The following HPGD variants were observed in gnomAD, a reference collection of about 807,000 sequenced individuals.
HPGD encodes the protein 15-hydroxyprostaglandin dehydrogenase.
A neutral mutation model predicts 30.0 loss-of-function variants in HPGD; 29 were observed. The ratio of observed to expected loss-of-function variants is 0.97; its 90% confidence interval spans 0.72 to 1.32. The LOEUF (loss-of-function observed/expected upper bound fraction) is 1.32. HPGD is among the 40% of genes most tolerant of loss of function. The probability of loss-of-function intolerance (pLI) is 0.00; values close to 1 mark genes in which losing one functional copy is unlikely to be tolerated. For synonymous variants in HPGD, 99 were observed against 112.4 expected, an observed-to-expected ratio of 0.88 and a Z score of 0.75; for missense variants, 340 against 322.1, an observed-to-expected ratio of 1.06 and a Z score of -0.43.
At position 174,502,677 on chromosome 4, in the gene HPGD, CAAAAAAA is replaced by C. The variant is rs10694450; in HGVS notation, c.421+6012_421+6018del. Among the ~76,000 whole-genome samples, 34 of 98,842 alleles carry C rather than the reference CAAAAAAA, an allele frequency of 3.4e-4. No homozygotes were observed. In the South Asian group the frequency reaches 0.012, roughly 34 times the overall value. The allele number at this position is 98,842 out of a possible 152,430, so 64.8% of individuals were successfully genotyped here. A position where few individuals can be genotyped will look rare whatever the true frequency, so the allele number is the denominator to read the frequency against. On this transcript the variant is annotated intron_variant, in intron 4 of 6. Coordinates refer to ENST00000296522, the MANE Select transcript of HPGD (RefSeq NM_000860.6). The stretch of plus-strand genomic sequence containing the variant: ...TGGGCGACAGAGCGAGACTCCGTCT[CAAAAAAA>C]AAAAAAAAAAAAGTGACACATGCTT...
At position 174,496,898 on chromosome 4, in the gene HPGD, AT is replaced by A. The variant is rs1202691546; in HGVS notation, c.422-1275del. The stretch of plus-strand genomic sequence containing the variant: ...AGATCACACCTAGTGTGTCCACCCA[AT>A]GATTTCAAAGTATTGTTAATATGTT... On this transcript the variant is annotated intron_variant, in intron 4 of 6. Transcript: ENST00000296522. This position sits in a 1 kb window ranked among gnomAD's most constrained non-coding sequence, Gnocchi z 4.6. Among the ~76,000 whole-genome samples, 1 of 152,252 alleles carries A rather than the reference AT, an allele frequency of 6.6e-6. No homozygotes were observed. Among genetic ancestry groups the A allele is most frequent in the East Asian group, 1.9e-4 (1 of 5,204 alleles).
intron 3 of HPGD, among the ~76,000 whole-genome samples, chr4:174,516,203 C>T (rs1280312056): frequency 3.3e-5 from 5 of 152,014 alleles, no homozygotes; most frequent in African/African-American, 1.2e-4. Flanking sequence ...ATAGGGTCAT[C>T]GCAACACTAT....
At chr4:174,493,413 T>A in intron 5 of HPGD, 99 bp from the exon 6 acceptor site, 1 of 1,117,768 alleles carries the variant, frequency 8.9e-7, no homozygotes, top group Non-Finnish European at 1.4e-6. Context: ...ATGTAAAAAA[T>A]ACTAATTAGA....
intron 3 of HPGD, 66 bp downstream of exon 3, chr4:174,517,903 CTT>C (rs1735872661): frequency 5.8e-6 from 5 of 864,610 alleles, no homozygotes; most frequent in Non-Finnish European, 9.5e-6. Context: ...CTCCAAGAAC[CTT>C]TTTTTCTTTA....
chr4:174,498,375 T>C (rs1353451533), intron 4 of HPGD, among the ~76,000 whole-genome samples: 1 of 152,156 alleles, frequency 6.6e-6, no homozygotes, highest in East Asian at 1.9e-4. Flanking sequence ...AAACTGCACG[T>C]ATTGAAAGTA....
intron 4 of HPGD, among the ~76,000 whole-genome samples, chr4:174,503,718 G>T (rs1293826219): frequency 2.1e-5 from 3 of 139,546 alleles, no homozygotes; most frequent in East Asian, 2.0e-4. Flanking sequence ...TGGGTTTTTT[G>T]ATTTTTTTTT....
chr4:174,519,445 C>G (rs1735969021), intron 2 of HPGD, among the ~76,000 whole-genome samples: 1 of 152,178 alleles, frequency 6.6e-6, no homozygotes, highest in South Asian at 2.1e-4. Flanking sequence ...TGTCAGGCCT[C>G]TGAGCCCAAG....
chr4:174,509,828 A>G (rs1735385127), intron 3 of HPGD, among the ~76,000 whole-genome samples: 1 of 152,062 alleles, frequency 6.6e-6, no homozygotes, highest in Non-Finnish European at 1.5e-5. Flanking sequence ...ATCACTGCTT[A>G]CAGCTATCCT....
intron 3 of HPGD, among the ~76,000 whole-genome samples, chr4:174,517,334 C>T (rs904672264): frequency 3.3e-5 from 5 of 151,948 alleles, no homozygotes; most frequent in African/African-American, 1.2e-4. Flanking sequence ...CTACTAATTA[C>T]AAAGTTCGAT....
At chr4:174,509,141 A>T (rs1735339953) in intron 3 of HPGD, among the ~76,000 whole-genome samples, 1 of 152,146 alleles carries the variant, frequency 6.6e-6, no homozygotes, top group African/African-American at 2.4e-5. Context: ...GTTGGATGCA[A>T]AATTTATTTA....
In HPGD at chr4:174,496,532, A is replaced by T. The variant is rs1734604806; in HGVS notation, c.422-908T>A. ...AAAATTGTTAATTATCTAATCAGCAATCAAATTGAACCAGAGTCATTCTTG... is the reference window on the plus strand; with the variant it reads ...AAAATTGTTAATTATCTAATCAGCATTCAAATTGAACCAGAGTCATTCTTG... On this transcript the variant is annotated intron_variant, in intron 4 of 6. Transcript: ENST00000296522. The surrounding 1 kb of genome is among the most constrained non-coding windows in gnomAD (Gnocchi z 4.6). Among the ~76,000 whole-genome samples the T allele has an allele frequency of 6.6e-6, 1 of 152,222 alleles. No homozygotes were observed. Among genetic ancestry groups the T allele is most frequent in the African/African-American group, 2.4e-5 (1 of 41,460 alleles).
intron 4 of HPGD, 144 bp from the exon 5 acceptor site, chr4:174,495,768 T>C (rs1734567345): frequency 7.2e-6 from 5 of 696,318 alleles, no homozygotes; most frequent in South Asian, 6.2e-5. Flanking sequence ...ACCAGATAGC[T>C]TTGTGAAACT....
chr4:174,518,848 T>A (rs1437573350), intron 2 of HPGD, among the ~76,000 whole-genome samples: 1 of 152,130 alleles, frequency 6.6e-6, no homozygotes, highest in African/African-American at 2.4e-5. Context: ...TTTGACAGAG[T>A]TCTAATTGAT....
chr4:174,522,145 T>G, intron 1 of HPGD, 78 bp from the exon 2 acceptor site: 1 of 1,602,032 alleles, frequency 6.2e-7, no homozygotes, highest in Non-Finnish European at 8.5e-7. Context: ...CACAAGAGGC[T>G]CCCCTCCTGG....
rs983779110 is a variant in HPGD, at chr4:174,522,313, G to C, written c.93+46C>G. On this transcript the variant is annotated intron_variant, in intron 1 of 6. Transcript: ENST00000296522. ...CACCTCGGGCGGCGGGGCGAGTCTC[G>C]GAGTGTGTGGGCAGAGAAATTTCCG... The C allele has an allele frequency of 4.8e-5, 73 of 1,505,300 alleles. 1 individual carries two copies. Among genetic ancestry groups the C allele is most frequent in the Non-Finnish European group, 1.7e-5 (19 of 1,105,934 alleles). 93.2% of individuals were successfully genotyped at this position (1,505,300 alleles called of 1,614,324 possible).
intron 4 of HPGD, among the ~76,000 whole-genome samples, chr4:174,497,691 C>A (rs1276167341): frequency 6.9e-6 from 1 of 145,444 alleles, no homozygotes; most frequent in African/African-American, 2.5e-5. Flanking sequence ...GATTCTCCTG[C>A]CTCAGCCTCC....
chr4:174,501,770 CAAAG>C (rs1439792148), intron 4 of HPGD, among the ~76,000 whole-genome samples: 2 of 151,774 alleles, frequency 1.3e-5, no homozygotes, highest in African/African-American at 4.8e-5. Context: ...ACTAATAGAA[CAAAG>C]AAAGTCATTC....
At chr4:174,493,043 C>T in intron 6 of HPGD, 108 bp downstream of exon 6, 2 of 1,049,404 alleles carry the variant, frequency 1.9e-6, no homozygotes, top group Non-Finnish European at 2.7e-6. Context: ...AAGTTTGAAG[C>T]TTGTGTTCAT....
Position 174,493,259 on chromosome 4 carries a change from A to C in HPGD, c.554T>G (p.Phe185Cys), listed in dbSNP as rs1271419057. The C allele has an allele frequency of 6.2e-7, 1 of 1,613,248 alleles. No homozygotes were observed. Among genetic ancestry groups the C allele is most frequent in the Non-Finnish European group, 8.5e-7 (1 of 1,179,358 alleles). Residue 185 changes from phenylalanine (F) to cysteine (C), a missense_variant, in exon 6 of 7, where the codon TTT becomes TGT. Transcript: ENST00000296522. ...GVRLNAICPG[F>C]VNTAILESIE... ...TGATTCAAGGATGGCTGTGTTAACA[A>C]AGCCTGGACAAATGGCATTCAGTCT...
Sources: allele counts gnomAD v4.1 joint callset (sites outside exome capture counted in the v4.1 genomes callset), GRCh38; gene constraint gnomAD v4.1.1; non-coding constraint Gnocchi (gnomAD v3.1); transcripts MANE v1.5; gene names NCBI Gene and HGNC (gene_info 2026-07-23, HGNC 2026-07-21).